COX16: variants seen among roughly 807,000 people sequenced by gnomAD.
COX16 encodes the protein cytochrome c oxidase assembly protein COX16 homolog, mitochondrial.
Under a neutral mutation model 15.4 loss-of-function variants are expected in COX16, and 12 were observed. That is an observed-to-expected ratio of 0.78 (90% CI 0.50 to 1.26). The LOEUF (loss-of-function observed/expected upper bound fraction) is 1.26, where lower values mean the gene tolerates loss of function less well. Among genes scored for constraint, COX16 ranks in the 50% most tolerant of loss-of-function variants. COX16 has a pLI of 0.00. For missense variants in COX16, 124 were observed against 127.6 expected (o/e 0.97, Z 0.14); for synonymous variants, 46 against 41.1 (o/e 1.12, Z -0.46).
In COX16 at chr14:70,342,699, G is replaced by A. The variant is rs1234545827; in HGVS notation, c.100C>T (p.Arg34Cys). The A allele has an allele frequency of 9.3e-6, 15 of 1,612,628 alleles. No individual in the cohort carries two copies. The highest frequency in any genetic ancestry group is 4.4e-5 in the South Asian group (4 of 90,574). The change falls in exon 2 of 4, where the codon CGT becomes TGT. Residue 34 changes from arginine (R) to cysteine (C), a missense_variant. By Grantham distance (180) the Arg-to-Cys change is radical. Transcript: ENST00000389912. ...LLIVGGSFGLREFSQIRYDAV... is the reference protein window; with the variant it reads ...LLIVGGSFGLCEFSQIRYDAV... Reference sequence around the variant, plus strand: ...TCATATCGGATTTGAGAAAACTCACGAAGACCAAAAGAACCTCCAACAATC... The same window carrying A: ...TCATATCGGATTTGAGAAAACTCACAAAGACCAAAAGAACCTCCAACAATC...
At chr14:70,351,797 G>C (rs1271494211) in intron 1 of COX16, among the ~76,000 whole-genome samples, 1 of 152,044 alleles carries the variant, frequency 6.6e-6, no homozygotes. Flanking sequence ...TCAAGGTTTT[G>C]TTGGTATTCT....
chr14:70,348,204 TA>T, intron 1 of COX16, among the ~76,000 whole-genome samples: 1 of 152,274 alleles, frequency 6.6e-6, no homozygotes, highest in East Asian at 1.9e-4. Flanking sequence ...CTTGAAAGCC[TA>T]AAACTATCTC....
At chr14:70,336,288 A>C (rs940424014) in intron 2 of COX16, among the ~76,000 whole-genome samples, 1 of 150,212 alleles carries the variant, frequency 6.7e-6, no homozygotes, top group African/African-American at 2.4e-5. Context: ...AAAACAAAAA[A>C]GCGCAGTAGT....
intron 2 of COX16, among the ~76,000 whole-genome samples, chr14:70,339,229 TTGG>T (rs1212198901): frequency 1.3e-5 from 2 of 152,192 alleles, no homozygotes; most frequent in Admixed American, 6.5e-5. Context: ...TTGTGGATCC[TTGG>T]TGGTTAGAAT....
intron 1 of COX16, among the ~76,000 whole-genome samples, chr14:70,357,616 T>C (rs1887170326): frequency 6.6e-6 from 1 of 152,216 alleles, no homozygotes; most frequent in Non-Finnish European, 1.5e-5. Flanking sequence ...CAAAAAGATA[T>C]TCAAATGACC....
intron 3 of COX16, chr14:70,328,325 T>C (rs1232936336): frequency 1.3e-5 from 2 of 151,760 alleles, no homozygotes; most frequent in African/African-American, 2.4e-5. Context: ...TAGCTAACAA[T>C]TAAATTGTCA....
intron 1 of COX16, among the ~76,000 whole-genome samples, chr14:70,347,625 CAA>C (rs1886822174): frequency 6.6e-6 from 1 of 152,148 alleles, no homozygotes; most frequent in Non-Finnish European, 1.5e-5. Flanking sequence ...TAGCCCCTCT[CAA>C]AGAGACTGCA....
intron 3 of COX16, among the ~76,000 whole-genome samples, chr14:70,327,857 A>G (rs1463480483): frequency 6.6e-6 from 1 of 152,058 alleles, no homozygotes; most frequent in Non-Finnish European, 1.5e-5. Flanking sequence ...TGCTGAGAAA[A>G]ACCACCCAAG....
At chr14:70,347,022 T>C (rs1886803833) in intron 1 of COX16, among the ~76,000 whole-genome samples, 1 of 152,030 alleles carries the variant, frequency 6.6e-6, no homozygotes, top group South Asian at 2.1e-4. Context: ...CCATCCGTAG[T>C]TAACCCCGCT....
chr14:70,358,983 C>T (rs1887214257), intron 1 of COX16, among the ~76,000 whole-genome samples: 1 of 152,204 alleles, frequency 6.6e-6, no homozygotes. Context: ...ACACTTTATT[C>T]ACAAGGTGTT....
intron 1 of COX16, among the ~76,000 whole-genome samples, chr14:70,343,840 G>T (rs547746687): frequency 6.6e-6 from 1 of 152,314 alleles, no homozygotes; most frequent in East Asian, 1.9e-4. Flanking sequence ...CAAGACAGGG[G>T]AATTACAATG....
intron 3 of COX16, among the ~76,000 whole-genome samples, chr14:70,326,884 T>C (rs1399808804): frequency 2.0e-5 from 3 of 152,146 alleles, no homozygotes; most frequent in Non-Finnish European, 4.4e-5. Flanking sequence ...GAGACCAAGA[T>C]CATTTGTCTT....
At chr14:70,342,021 TAA>T (rs1384738258) in intron 2 of COX16, among the ~76,000 whole-genome samples, 1 of 152,194 alleles carries the variant, frequency 6.6e-6, no homozygotes, top group Non-Finnish European at 1.5e-5. Flanking sequence ...AATATTAAAT[TAA>T]GAGAAATAAA....
intron 2 of COX16, 128 bp from the exon 3 acceptor site, chr14:70,329,364 C>CAG (rs1349939428): frequency 3.1e-6 from 2 of 650,704 alleles, no homozygotes; most frequent in African/African-American, 3.8e-5. Context: ...AAATCTCCAC[C>CAG]ATCTACTCTG....
At chr14:70,329,352 C>CA in intron 2 of COX16, 116 bp from the exon 3 acceptor site, 1 of 726,190 alleles carries the variant, frequency 1.4e-6, no homozygotes, top group Non-Finnish European at 2.1e-6. Context: ...AAACACATGG[C>CA]AAAATCTCCA....
chr14:70,343,223 C>A (rs1306024515), intron 1 of COX16, among the ~76,000 whole-genome samples: 1 of 152,124 alleles, frequency 6.6e-6, no homozygotes, highest in Non-Finnish European at 1.5e-5. Flanking sequence ...AGACCATGTC[C>A]AAATAAGGCA....
intron 3 of COX16, among the ~76,000 whole-genome samples, chr14:70,326,987 T>C (rs1399679972): frequency 6.6e-6 from 1 of 152,216 alleles, no homozygotes; most frequent in Non-Finnish European, 1.5e-5. Flanking sequence ...AACTACATTA[T>C]GGATCATCCT....
At chr14:70,359,348 T>G (rs1235733722) in intron 1 of COX16, 171 bp downstream of exon 1, 2 of 681,804 alleles carry the variant, frequency 2.9e-6, no homozygotes, top group South Asian at 3.0e-5. Flanking sequence ...AGTGGGGGTG[T>G]GGAAAAGACT....
Position 70,356,022 on chromosome 14 carries a change from G to A in COX16, c.69+3497C>T, listed in dbSNP as rs773973366. On this transcript the variant is annotated intron_variant, in intron 1 of 3. Coordinates refer to ENST00000389912, the MANE Select transcript of COX16 (RefSeq NM_016468.7). ...CACAAGTGGAAGCAGCTTGAGGCCC[G>A]CACCAGAAGCAGATGCTGTGCCGTG... Among the ~76,000 whole-genome samples, 15 of 152,162 alleles carry A rather than the reference G, an allele frequency of 9.9e-5. No homozygotes were observed. In the South Asian group the frequency reaches 1.0e-3, roughly 11 times the overall value.
Sources: allele counts gnomAD v4.1 joint callset (sites outside exome capture counted in the v4.1 genomes callset), GRCh38; gene constraint gnomAD v4.1.1; transcripts MANE v1.5; gene names NCBI Gene and HGNC (gene_info 2026-07-23, HGNC 2026-07-21).